The following COL3A1 variants were observed in gnomAD, a reference collection of about 807,000 sequenced individuals.
COL3A1 encodes the protein collagen alpha-1(III) chain.
Under a neutral mutation model 200.9 loss-of-function variants are expected in COL3A1, and 46 were observed. The observed-to-expected ratio is 0.23, with a 90% CI of 0.18 to 0.29. COL3A1 has a LOEUF of 0.29. Ranked by LOEUF, COL3A1 falls within the 10% of genes least tolerant of loss-of-function variation. The pLI is 1.00. For missense variants in COL3A1, 1,367 were observed against 1,917.6 expected (o/e 0.71, Z 5.36); for synonymous variants, 650 against 628.0 (o/e 1.03, Z -0.52).
chr2:188,985,181 C>G lies in COL3A1; in HGVS notation c.283-16C>G, dbSNP rs779338886. ...ATTCTGTGTCTTGTTTAACTTGTTT[C>G]TTTTCCATTTATTAGCCTACTCGCC... On this transcript the variant is annotated splice_polypyrimidine_tract_variant and intron_variant, in intron 2 of 50. Transcript: ENST00000304636. The G allele has an allele frequency of 6.2e-7, 1 of 1,611,474 alleles. No individual in the cohort carries two copies. Among genetic ancestry groups the G allele is most frequent in the Admixed American group, 1.7e-5 (1 of 59,810 alleles).
rs1001875713 is a variant in COL3A1 at position 188,981,548 on chromosome 2, T to C, written c.80-3212T>C. Among the ~76,000 whole-genome samples the C allele has an allele frequency of 1.1e-4, 17 of 151,686 alleles. No individual in the cohort carries two copies. The East Asian group carries it at 3.1e-3, about 28-fold the overall frequency. On this transcript the variant is annotated intron_variant, in intron 1 of 50. Coordinates refer to ENST00000304636, the MANE Select transcript of COL3A1 (RefSeq NM_000090.4). ...ATGAAATTATTTGCCTTTTATTTAA[T>C]ATTTTTGGAAAAAATTAACTTATTT...
In COL3A1 at chr2:189,006,272, C is replaced by CA; in HGVS notation, c.3093+14dup. 1 of 1,614,054 alleles carries CA rather than the reference C, an allele frequency of 6.2e-7. No individual in the cohort carries two copies. The highest frequency in any genetic ancestry group is 8.5e-7 in the Non-Finnish European group (1 of 1,179,926). Reference sequence around the variant, plus strand: ...TCCTGGTGGCAAGGTATAATAAACACATGTGCAATTGATTTGTGTTATCAA... The same window carrying CA: ...TCCTGGTGGCAAGGTATAATAAACACAATGTGCAATTGATTTGTGTTATCAA... On this transcript the variant is annotated intron_variant, in intron 42 of 50. Transcript: ENST00000304636.
chr2:189,007,161 T>TGATAGATA (rs60243485), intron 44 of COL3A1, among the ~76,000 whole-genome samples, 171 bp downstream of exon 44: 234 of 116,320 alleles, frequency 2.0e-3, no homozygotes, highest in South Asian at 6.9e-3. Context: ...TATAGATAGA[T>TGATAGATA]GATAGATAGA....
intron 34 of COL3A1, 46 bp downstream of exon 34, chr2:189,001,635 A>G (rs1235827066): frequency 1.3e-5 from 21 of 1,603,200 alleles, no homozygotes; most frequent in Non-Finnish European, 1.6e-5. Flanking sequence ...CCCCATACAG[A>G]CAGTAGCTAC....
rs753130141 is a variant in COL3A1 at position 189,004,038 on chromosome 2, T to C, written c.2718T>C (p.Gly906=). Reference sequence around the variant, plus strand: ...CTCCAGGCAAGGATGGGCCCCCAGGTCCTGCGGGTAACACTGGTGCTCCTG... The same window carrying C: ...CTCCAGGCAAGGATGGGCCCCCAGGCCCTGCGGGTAACACTGGTGCTCCTG... ...SGSPGKDGPP[G]PAGNTGAPGS... The change falls in exon 39 of 51, where the codon GGT becomes GGC. Residue 906 remains glycine (G), a synonymous_variant. Coordinates refer to ENST00000304636, the MANE Select transcript of COL3A1 (RefSeq NM_000090.4). 14 of 1,613,014 alleles carry C rather than the reference T, an allele frequency of 8.7e-6. No individual in the cohort carries two copies.
intron 13 of COL3A1, 27 bp from the exon 14 acceptor site, chr2:188,992,157 A>T (rs750197317): frequency 1.2e-6 from 2 of 1,612,946 alleles, no homozygotes; most frequent in African/African-American, 2.7e-5. Context: ...AATTAAAAGG[A>T]TATTTGATGT....
At chr2:189,005,685 C>A in intron 41 of COL3A1, 2 of 556,846 alleles carry the variant, frequency 3.6e-6, no homozygotes, top group South Asian at 1.9e-5. Flanking sequence ...TTATCTCTAA[C>A]TAAATTAGGA....
intron 16 of COL3A1, 138 bp downstream of exon 16, chr2:188,993,597 T>G (rs1688234399): frequency 1.3e-6 from 1 of 748,598 alleles, no homozygotes; most frequent in African/African-American, 1.7e-5. Flanking sequence ...TGTTGCTTAG[T>G]GCTCTAAAAT....
At chr2:189,004,920 A>C (rs777364068) in intron 40 of COL3A1, among the ~76,000 whole-genome samples, 6 of 152,224 alleles carry the variant, frequency 3.9e-5, no homozygotes, top group Non-Finnish European at 5.9e-5. Flanking sequence ...ATTGTCATAA[A>C]ATTAATATTT....
At position 188,991,715 on chromosome 2, in the gene COL3A1, G is replaced by C. The variant is rs587779487; in HGVS notation, c.944G>C (p.Gly315Ala). 2 of 1,613,888 alleles carry C rather than the reference G, an allele frequency of 1.2e-6. No homozygotes were observed. Among genetic ancestry groups the C allele is most frequent in the Non-Finnish European group, 8.5e-7 (1 of 1,179,904 alleles). ...PGERGRPGLP[G>A]AAGARGNDGA... ...GAGCGAGGACGGCCAGGACTTCCTG[G>C]GGCTGCAGTGAGTATAGCTGCTAAC... Residue 315 changes from glycine to alanine, a missense_variant, in exon 13 of 51, where the codon GGG becomes GCG. By Grantham distance (60) the Gly-to-Ala change is moderately conservative (BLOSUM62 0). Around this residue, in one of 5 missense-constraint regions of COL3A1, gnomAD observed 462 missense variants for 681.4 expected, o/e 0.68. Transcript: ENST00000304636.
Position 189,001,581 on chromosome 2 carries a change from G to A in COL3A1, c.2383G>A (p.Gly795Ser). 1 of 1,613,830 alleles carries A rather than the reference G, an allele frequency of 6.2e-7. No homozygotes were observed. The highest frequency in any genetic ancestry group is 8.5e-7 in the Non-Finnish European group (1 of 1,179,992). Residue 795 changes from glycine to serine, a missense_variant, in exon 34 of 51, where the codon GGT (glycine) becomes AGT (serine). Physicochemically the swap from Gly to Ser is moderately conservative, Grantham distance 56. This residue lies in a region of COL3A1 where 846 missense variants were observed against 1,147.9 expected (regional missense o/e 0.74). Coordinates refer to ENST00000304636, the MANE Select transcript of COL3A1 (RefSeq NM_000090.4). The stretch of plus-strand genomic sequence containing the variant: ...ACTTCCAGGTATAGCTGGACCTCGT[G>A]GTAGCCCTGTAAGTGTTAAAGACAT... ...PGLPGIAGPR[G>S]SPGERGETGP... is the part of the protein sequence containing the mutation.
chr2:189,002,815 TG>T, intron 35 of COL3A1, 139 bp from the exon 36 acceptor site: 1 of 721,494 alleles, frequency 1.4e-6, no homozygotes, highest in South Asian at 1.6e-5. Flanking sequence ...CATTTTGTCA[TG>T]TCTTCAGAAA....
intron 50 of COL3A1, 87 bp downstream of exon 50, chr2:189,010,977 A>T (rs1017440180): frequency 1.7e-5 from 26 of 1,503,692 alleles, no homozygotes; most frequent in Non-Finnish European, 2.2e-5. Flanking sequence ...AATAAATAAA[A>T]TTAATAGGAT....
intron 45 of COL3A1, 78 bp downstream of exon 45, chr2:189,007,685 T>A: frequency 7.5e-7 from 1 of 1,331,836 alleles, no homozygotes; most frequent in African/African-American, 1.5e-5. Flanking sequence ...GCTTTCCATC[T>A]CTAAAAATAT....
At chr2:188,992,964 G>A in intron 15 of COL3A1, 24 bp downstream of exon 15, 1 of 1,610,662 alleles carries the variant, frequency 6.2e-7, no homozygotes, top group Non-Finnish European at 8.5e-7. Flanking sequence ...TCTATAGAAG[G>A]GTATAAAAAT....
intron 5 of COL3A1, 106 bp downstream of exon 5, chr2:188,987,245 C>A: frequency 1.1e-6 from 1 of 912,014 alleles, no homozygotes; most frequent in Middle Eastern, 2.2e-4. Flanking sequence ...TGGAATTGTA[C>A]AAAATAGCTT....
In COL3A1 at chr2:189,008,915, T is replaced by C; in HGVS notation, c.3526-9T>C. 1 of 1,613,400 alleles carries C rather than the reference T, an allele frequency of 6.2e-7. No homozygotes were observed. Among genetic ancestry groups the C allele is most frequent in the Non-Finnish European group, 8.5e-7 (1 of 1,179,946 alleles). Reference sequence around the variant, plus strand: ...CATACCTCAATGATCCATGTTTTACTCATTCTAGGGCTCCCCAGGCCACCC... The same window carrying C: ...CATACCTCAATGATCCATGTTTTACCCATTCTAGGGCTCCCCAGGCCACCC... On this transcript the variant is annotated splice_polypyrimidine_tract_variant and intron_variant, in intron 47 of 50. Transcript: ENST00000304636.
At chr2:188,998,354 A>T in intron 28 of COL3A1, 35 bp downstream of exon 28, 1 of 1,570,872 alleles carries the variant, frequency 6.4e-7, no homozygotes, top group Non-Finnish European at 8.8e-7. Context: ...ACTCAGAAAC[A>T]AAAAGAATAC....
Position 189,004,378 on chromosome 2 carries a change from T to C in COL3A1, c.2931+14T>C, listed in dbSNP as rs1688542433. Reference sequence around the variant, plus strand: ...CAGGGTGTCAAGGTGAGTATAGTCATTTTCCACTACACTCTTCCTTCCTTT... The same window carrying C: ...CAGGGTGTCAAGGTGAGTATAGTCACTTTCCACTACACTCTTCCTTCCTTT... On this transcript the variant is annotated intron_variant, in intron 40 of 50. Transcript: ENST00000304636. 6.4e-7 allele frequency: 1 copy of C among 1,571,918 alleles called. No homozygotes were observed. Among genetic ancestry groups the C allele is most frequent in the East Asian group, 2.3e-5 (1 of 43,870 alleles).
Sources: allele counts gnomAD v4.1 joint callset (sites outside exome capture counted in the v4.1 genomes callset), GRCh38; gene constraint gnomAD v4.1.1; regional missense constraint gnomAD v4.1.1; transcripts MANE v1.5; gene names NCBI Gene and HGNC (gene_info 2026-07-23, HGNC 2026-07-21).